The following LARP4B variants were observed in gnomAD, a reference collection of about 807,000 sequenced individuals.
LARP4B encodes La ribonucleoprotein 4B, also known as la-related protein 4B.
Under a neutral mutation model 89.8 loss-of-function variants are expected in LARP4B, and 12 were observed. The observed-to-expected ratio is 0.13, with a 90% CI of 0.09 to 0.22. The LOEUF (loss-of-function observed/expected upper bound fraction) is 0.22. LARP4B is among the 10% of genes least tolerant of loss of function. The pLI is 1.00. For synonymous variants in LARP4B, 367 were observed against 363.3 expected, an observed-to-expected ratio of 1.01 and a Z score of -0.12; for missense variants, 757 against 947.7, an observed-to-expected ratio of 0.80 and a Z score of 2.64.
the LARP4B span, among the ~76,000 whole-genome samples, chr10:949,699 G>T: frequency 6.6e-6 from 1 of 152,240 alleles, no homozygotes; most frequent in Non-Finnish European, 1.5e-5. Context: ...GGCCCACTAT[G>T]TTCGGTGTCA....
intron 3 of LARP4B, 80 bp from the exon 4 acceptor site, chr10:864,350 A>G: frequency 1.4e-6 from 2 of 1,421,394 alleles, no homozygotes; most frequent in South Asian, 1.2e-5. Flanking sequence ...GAGTTAAGAG[A>G]CATCAGATAT....
At chr10:885,943 A>T (rs1835844770) in intron 1 of LARP4B, among the ~76,000 whole-genome samples, 183 bp from the exon 2 acceptor site, 2 of 152,234 alleles carry the variant, frequency 1.3e-5, no homozygotes, top group African/African-American at 4.8e-5. Flanking sequence ...TTTTTAAATA[A>T]GTAAGTTTCT....
intron 1 of LARP4B, among the ~76,000 whole-genome samples, chr10:892,982 C>T (rs1370321240): frequency 6.8e-6 from 1 of 147,960 alleles, no homozygotes; most frequent in Non-Finnish European, 1.5e-5. Context: ...ACAATCTCAG[C>T]TCACTGCAAC....
At chr10:973,799 C>T in the LARP4B span, among the ~76,000 whole-genome samples, 2 of 152,140 alleles carry the variant, frequency 1.3e-5, no homozygotes, top group African/African-American at 2.4e-5. Flanking sequence ...CAGCTTAGCC[C>T]TCATGAATAA....
At chr10:852,960 A>C (rs1034266826) in intron 5 of LARP4B, among the ~76,000 whole-genome samples, 1 of 152,254 alleles carries the variant, frequency 6.6e-6, no homozygotes, top group Non-Finnish European at 1.5e-5. Flanking sequence ...GAGAGAAATT[A>C]AAGATCTAAA....
chr10:884,599 C>T (rs1441641447), intron 2 of LARP4B, 93 bp from the exon 3 acceptor site: 6 of 739,384 alleles, frequency 8.1e-6, no homozygotes, highest in South Asian at 1.6e-5. Context: ...ACTAAACCCA[C>T]CAAGAAATGC....
chr10:872,665 A>G (rs1244683357), intron 3 of LARP4B, among the ~76,000 whole-genome samples: 1 of 152,172 alleles, frequency 6.6e-6, no homozygotes. Flanking sequence ...GCAGATGGCC[A>G]CTCACAAAGG....
chr10:827,070 T>C (rs970019358), intron 11 of LARP4B, among the ~76,000 whole-genome samples: 3 of 152,008 alleles, frequency 2.0e-5, no homozygotes, highest in Admixed American at 6.6e-5. Flanking sequence ...GGTCAGGAGA[T>C]CAAGACCATC....
intron 3 of LARP4B, among the ~76,000 whole-genome samples, chr10:880,762 T>G (rs546893044): frequency 1.3e-5 from 2 of 152,202 alleles, no homozygotes; most frequent in African/African-American, 4.8e-5. Flanking sequence ...ATGAGTTAGA[T>G]TTCCAATTTC....
chr10:938,726 A>ATC, the LARP4B span, among the ~76,000 whole-genome samples: 1 of 152,106 alleles, frequency 6.6e-6, no homozygotes. Flanking sequence ...CTATATATAC[A>ATC]TCTCTCTCTC....
intron 5 of LARP4B, among the ~76,000 whole-genome samples, chr10:855,510 A>T (rs1451809526): frequency 6.6e-6 from 1 of 152,188 alleles, no homozygotes; most frequent in East Asian, 1.9e-4. Flanking sequence ...GGGAAGAGCC[A>T]GTTAGTGGAG....
intron 11 of LARP4B, among the ~76,000 whole-genome samples, chr10:828,601 A>T (rs899430100): frequency 1.3e-5 from 2 of 152,144 alleles, no homozygotes; most frequent in Non-Finnish European, 2.9e-5. Flanking sequence ...CCTGGACATG[A>T]ACTCTTCTCA....
At chr10:942,647 C>T in the LARP4B span, 1 of 152,186 alleles carries the variant, frequency 6.6e-6, no homozygotes, top group Non-Finnish European at 1.5e-5. Flanking sequence ...TCCACCCCCA[C>T]CCACAGTCCC....
intron 5 of LARP4B, among the ~76,000 whole-genome samples, chr10:861,740 C>G (rs1043161993): frequency 2.0e-5 from 3 of 152,160 alleles, no homozygotes; most frequent in Non-Finnish European, 4.4e-5. Context: ...ATCCTCAAGA[C>G]AGATCTTCAC....
At chr10:858,013 C>T (rs1331811138) in intron 5 of LARP4B, among the ~76,000 whole-genome samples, 1 of 152,116 alleles carries the variant, frequency 6.6e-6, no homozygotes, top group African/African-American at 2.4e-5. Flanking sequence ...CCCAACAATG[C>T]TATGGTTAGC....
chr10:899,467 T>C (rs538926881), intron 1 of LARP4B, among the ~76,000 whole-genome samples: 1 of 152,078 alleles, frequency 6.6e-6, no homozygotes, highest in African/African-American at 2.4e-5. Flanking sequence ...CCCTGTGTTT[T>C]ATCTTCTATC....
upstream of LARP4B, among the ~76,000 whole-genome samples, chr10:934,075 G>A (rs191427287): frequency 7.2e-5 from 11 of 151,848 alleles, no homozygotes; most frequent in East Asian, 1.8e-3. Flanking sequence ...CTCGTGATCC[G>A]CCTGCCTCAG....
At chr10:954,059 G>A in the LARP4B span, among the ~76,000 whole-genome samples, 1 of 152,222 alleles carries the variant, frequency 6.6e-6, no homozygotes, top group African/African-American at 2.4e-5. This position sits in a 1 kb window ranked among gnomAD's most constrained non-coding sequence, Gnocchi z 5.0. Context: ...GACATTGGCC[G>A]GGAGGGCTGC....
Position 820,863 on chromosome 10 carries a change from GAA to G in LARP4B, c.1485-20_1485-19del. ...AATTCTTCCTAGAGGAGTGGAAAGT[GAA>G]AGACTGTTATTTTTTTCCCACTTGG... On this transcript the variant is annotated intron_variant, in intron 13 of 17. Coordinates refer to ENST00000316157, the MANE Select transcript of LARP4B (RefSeq NM_015155.3). The G allele has an allele frequency of 3.1e-6, 5 of 1,610,308 alleles. No homozygotes were observed. The highest frequency in any genetic ancestry group is 4.2e-6 in the Non-Finnish European group (5 of 1,178,528).
Sources: allele counts gnomAD v4.1 joint callset (sites outside exome capture counted in the v4.1 genomes callset), GRCh38; gene constraint gnomAD v4.1.1; non-coding constraint Gnocchi (gnomAD v3.1); transcripts MANE v1.5; gene names NCBI Gene and HGNC (gene_info 2026-07-23, HGNC 2026-07-21).